The following COL4A2 variants were observed in gnomAD, a reference collection of about 807,000 sequenced individuals.
The protein encoded by COL4A2 is collagen alpha-2(IV) chain.
A neutral mutation model predicts 200.2 loss-of-function variants in COL4A2; 99 were observed. That is an observed-to-expected ratio of 0.49 (90% CI 0.42 to 0.58). The LOEUF (loss-of-function observed/expected upper bound fraction) is 0.58. Among genes scored for constraint, COL4A2 ranks in the 20% least tolerant of loss-of-function variants. The pLI is 0.00. For missense variants in COL4A2, 1,950 were observed against 2,314.1 expected (o/e 0.84, Z 3.23); for synonymous variants, 897 against 900.6 (o/e 1.00, Z 0.07).
intron 47 of COL4A2, among the ~76,000 whole-genome samples, chr13:110,511,422 A>G (rs1884077882): frequency 6.6e-6 from 1 of 152,120 alleles, no homozygotes; most frequent in African/African-American, 2.4e-5. Context: ...CTCCCTGATC[A>G]TCAGCATTTT....
chr13:110,329,565 C>T (rs748453904), intron 3 of COL4A2, among the ~76,000 whole-genome samples: 27 of 152,166 alleles, frequency 1.8e-4, no homozygotes, highest in Non-Finnish European at 2.6e-4. Context: ...CTCATGGCAT[C>T]CTTGGAAATA....
chr13:110,509,270 T>TATATATATATATATATATACACACAC (rs1435137108), intron 47 of COL4A2, among the ~76,000 whole-genome samples: 2 of 115,600 alleles, frequency 1.7e-5, no homozygotes, highest in African/African-American at 7.0e-5. Context: ...TATATATATA[T>TATATATATATATATATATACACACAC]ACACACACAC....
rs77617973 is a variant in COL4A2 at position 110,443,766 on chromosome 13, G to A, written c.958-2063G>A. On this transcript the variant is annotated intron_variant, in intron 16 of 47. Coordinates refer to ENST00000360467, the MANE Select transcript of COL4A2 (RefSeq NM_001846.4). ...GAAGCGGGGTCTCAGGGAGCCCGGC[G>A]GAGCCTCCACTGGGTCCTTCCCGGG... 3.9e-3 allele frequency among the ~76,000 whole-genome samples: 592 copies of A among 152,266 alleles called. 5 individuals carry two copies. Among genetic ancestry groups the A allele is most frequent in the African/African-American group, 0.013 (560 of 41,558 alleles).
At chr13:110,435,851 T>C (rs1379571780) in intron 12 of COL4A2, among the ~76,000 whole-genome samples, 5 of 152,168 alleles carry the variant, frequency 3.3e-5, no homozygotes, top group African/African-American at 1.2e-4. Flanking sequence ...CATCTTTAGC[T>C]GGGGAAGTAG....
chr13:110,395,416 G>T (rs1879150221), intron 4 of COL4A2, among the ~76,000 whole-genome samples: 1 of 152,194 alleles, frequency 6.6e-6, no homozygotes, highest in Admixed American at 6.5e-5. Flanking sequence ...TGATGGGGAG[G>T]ATGGCAGGGG....
intron 32 of COL4A2, 139 bp from the exon 33 acceptor site, chr13:110,484,766 C>G (rs543288676): frequency 1.6e-6 from 2 of 1,254,594 alleles, no homozygotes; most frequent in Admixed American, 5.4e-5. Flanking sequence ...GAGGCTTCTC[C>G]GGCGCCCTTG....
chr13:110,450,835 A>G (rs1295152388), intron 20 of COL4A2, among the ~76,000 whole-genome samples: 1 of 152,340 alleles, frequency 6.6e-6, no homozygotes, highest in East Asian at 1.9e-4. Context: ...AACCTAATCC[A>G]GGGTGAGGGC....
rs1884850321 is a variant in COL4A2 at position 110,308,087 on chromosome 13, A to G, written c.63A>G (p.Thr21=). The G allele has an allele frequency of 1.2e-6, 2 of 1,613,826 alleles. No homozygotes were observed. The highest frequency in any genetic ancestry group is 1.3e-5 in the African/African-American group (1 of 75,034). The change falls in exon 3 of 48, where the codon ACA becomes ACG. Residue 21 remains threonine (T), a synonymous_variant. Coordinates refer to ENST00000360467, the MANE Select transcript of COL4A2 (RefSeq NM_001846.4). ...PALRRWLLLG[T]VTVGFLAQSV... Reference sequence around the variant, plus strand: ...CATGCAGGTGGCTGCTGCTGGGGACAGTGACCGTGGGGTTCCTCGCCCAGA... The same window carrying G: ...CATGCAGGTGGCTGCTGCTGGGGACGGTGACCGTGGGGTTCCTCGCCCAGA...
At chr13:110,445,201 C>T (rs1356210855) in intron 16 of COL4A2, among the ~76,000 whole-genome samples, 1 of 152,092 alleles carries the variant, frequency 6.6e-6, no homozygotes, top group East Asian at 1.9e-4. Context: ...AACCTTAATG[C>T]GTCTATTTTG....
intron 3 of COL4A2, among the ~76,000 whole-genome samples, chr13:110,334,264 C>T (rs968878863): frequency 1.3e-5 from 2 of 152,240 alleles, no homozygotes; most frequent in African/African-American, 4.8e-5. Flanking sequence ...AGCTTTGGAA[C>T]TCTGCTTGGT....
At chr13:110,477,502 C>T (rs961209046) in intron 29 of COL4A2, among the ~76,000 whole-genome samples, 13 of 152,234 alleles carry the variant, frequency 8.5e-5, no homozygotes, top group African/African-American at 2.9e-4. Context: ...AAATTACCTA[C>T]GACATGGACA....
rs545520707 is a variant in COL4A2 at position 110,508,963 on chromosome 13, A to G, written c.4881+742A>G. On this transcript the variant is annotated intron_variant, in intron 47 of 47. Transcript: ENST00000360467. The surrounding 1 kb of genome is among the most constrained non-coding windows in gnomAD (Gnocchi z 6.1). ...AAATTCATTGTAAGATGAAGATACT[A>G]TAAGTTGAAAGTGCGTTTTCAATTT... is the stretch of plus-strand genomic sequence containing the variant. Among the ~76,000 whole-genome samples, 5 of 152,302 alleles carry G rather than the reference A, an allele frequency of 3.3e-5. No homozygotes were observed. The highest frequency in any genetic ancestry group is 7.3e-5 in the Non-Finnish European group (5 of 68,038).
rs1349550999 is a variant in COL4A2 at position 110,469,240 on chromosome 13, C to T, written c.2119C>T (p.Pro707Ser). ...AGGTGCCAAAGGCCTCCGAGGAATC[C>T]CAGGCTTCGCAGGAGCTGATGGAGG... ...PTGAKGLRGI[P>S]GFAGADGGPG... is the part of the protein sequence containing the mutation. The change falls in exon 28 of 48, where the codon CCA becomes TCA. Residue 707 changes from proline to serine, a missense_variant. By Grantham distance (74) the Pro-to-Ser change is moderately conservative (BLOSUM62 -1). This residue lies in a region of COL4A2 where 1,385 missense variants were observed against 1,720.5 expected (regional missense o/e 0.80). Coordinates refer to ENST00000360467, the MANE Select transcript of COL4A2 (RefSeq NM_001846.4). 1 of 1,600,838 alleles carries T rather than the reference C, an allele frequency of 6.2e-7. No individual in the cohort carries two copies.
intron 3 of COL4A2, among the ~76,000 whole-genome samples, chr13:110,346,710 C>T (rs542624599): frequency 7.9e-5 from 12 of 151,616 alleles, no homozygotes; most frequent in African/African-American, 2.7e-4. Flanking sequence ...TGACGGCTGA[C>T]GACGGCCCCA....
chr13:110,368,388 T>G (rs1181685701), intron 4 of COL4A2, among the ~76,000 whole-genome samples: 1 of 152,236 alleles, frequency 6.6e-6, no homozygotes, highest in Non-Finnish European at 1.5e-5. Flanking sequence ...AATAAGGTTT[T>G]ACTTAGAGAC....
At chr13:110,351,496 A>G (rs61222886) in intron 3 of COL4A2, among the ~76,000 whole-genome samples, 9,277 of 152,252 alleles carry the variant, frequency 0.061, 955 homozygotes, top group African/African-American at 0.21. Flanking sequence ...CTTGCAGCTC[A>G]GAGACTTTCA....
At chr13:110,331,583 A>G (rs1185094362) in intron 3 of COL4A2, among the ~76,000 whole-genome samples, 2 of 152,210 alleles carry the variant, frequency 1.3e-5, no homozygotes, top group Non-Finnish European at 2.9e-5. Flanking sequence ...ATGTGTTCAC[A>G]GACCGCCGGC....
intron 3 of COL4A2, among the ~76,000 whole-genome samples, chr13:110,347,364 C>G: frequency 6.6e-6 from 1 of 152,230 alleles, no homozygotes; most frequent in East Asian, 1.9e-4. Context: ...CATCACCAAA[C>G]CCTCACAGCA....
At position 110,354,477 on chromosome 13, in the gene COL4A2, G is replaced by A. The variant is rs556551335; in HGVS notation, c.100-2995G>A. The stretch of plus-strand genomic sequence containing the variant: ...ATACCTAGGATCGTGTTTTCAGGGC[G>A]TGAGAGGATTTTATATATGTTTACT... On this transcript the variant is annotated intron_variant, in intron 3 of 47. Coordinates refer to ENST00000360467, the MANE Select transcript of COL4A2 (RefSeq NM_001846.4). Among the ~76,000 whole-genome samples, 7 of 152,302 alleles carry A rather than the reference G, an allele frequency of 4.6e-5. No homozygotes were observed. In the South Asian group the frequency reaches 6.2e-4, roughly 14 times the overall value.
Sources: allele counts gnomAD v4.1 joint callset (sites outside exome capture counted in the v4.1 genomes callset), GRCh38; gene constraint gnomAD v4.1.1; regional missense constraint gnomAD v4.1.1; non-coding constraint Gnocchi (gnomAD v3.1); transcripts MANE v1.5; gene names NCBI Gene and HGNC (gene_info 2026-07-23, HGNC 2026-07-21).